The following WDR20 variants were observed in gnomAD, a reference collection of about 807,000 sequenced individuals.
WDR20 encodes the protein WD repeat domain 20, also known as WD repeat-containing protein 20.
WDR20 carries 3 observed loss-of-function variants against 38.7 expected under a neutral mutation model. That is an observed-to-expected ratio of 0.08 (90% CI 0.04 to 0.20). The LOEUF (loss-of-function observed/expected upper bound fraction) is 0.20. Among genes scored for constraint, WDR20 ranks in the 10% least tolerant of loss-of-function variants. The pLI, the probability that WDR20 is intolerant of heterozygous loss-of-function variation, is 1.00. For missense variants in WDR20, 559 were observed against 727.7 expected (o/e 0.77, Z 2.67); for synonymous variants, 298 against 285.6 (o/e 1.04, Z -0.44).
rs142876451 is a variant in WDR20, at chr14:102,221,389, CAG to C, written c.1693-1438_1693-1437del. On this transcript the variant is annotated intron_variant, in intron 3 of 3. Transcript: ENST00000335263. This position sits in a 1 kb window ranked among gnomAD's most constrained non-coding sequence, Gnocchi z 4.8. ...CTTAGGGTGCGCGTGGTGATGAAGG[CAG>C]AGTGTCCTGTGTGAGAGGCTTCCTT... 1.2e-3 allele frequency among the ~76,000 whole-genome samples: 185 copies of C among 152,342 alleles called. 2 individuals carry two copies. The East Asian group carries it at 0.028, about 23-fold the overall frequency.
intron 1 of WDR20, among the ~76,000 whole-genome samples, chr14:102,194,699 A>G (rs1051629742): frequency 6.6e-6 from 1 of 152,264 alleles, no homozygotes; most frequent in Non-Finnish European, 1.5e-5. Flanking sequence ...TTGAAGGAGA[A>G]TAAGTTGTGA....
At chr14:102,196,659 G>T (rs931184204) in intron 2 of WDR20, among the ~76,000 whole-genome samples, 3 of 152,130 alleles carry the variant, frequency 2.0e-5, no homozygotes, top group Admixed American at 1.3e-4. Flanking sequence ...GTGGCAGGGG[G>T]AGGGCAGGGA....
chr14:102,196,846 A>G (rs868625115), intron 2 of WDR20, among the ~76,000 whole-genome samples: 3 of 152,204 alleles, frequency 2.0e-5, no homozygotes, highest in Non-Finnish European at 2.9e-5. Context: ...AGAAATTGCT[A>G]TTTAGAATGC....
At chr14:102,146,151 T>TG (rs1347439227) in intron 1 of WDR20, among the ~76,000 whole-genome samples, 9 of 151,724 alleles carry the variant, frequency 5.9e-5, no homozygotes, top group African/African-American at 2.2e-4. Flanking sequence ...TGGAAGAGTT[T>TG]TTTTGTTTGT....
chr14:102,184,512 C>G (rs1012432010), intron 1 of WDR20, among the ~76,000 whole-genome samples: 2 of 152,072 alleles, frequency 1.3e-5, no homozygotes, highest in Non-Finnish European at 2.9e-5. Flanking sequence ...GAAGATGCTG[C>G]CACAGAATGT....
At chr14:102,161,121 C>CATGCATATATATATATATATATATAT in intron 1 of WDR20, among the ~76,000 whole-genome samples, 1 of 11,130 alleles carries the variant, frequency 9.0e-5, no homozygotes, top group Non-Finnish European at 1.8e-4. Context: ...AGCATAACTG[C>CATGCATATATATATATATATATATAT]ATATATATAT....
At chr14:102,148,936 C>T (rs551175424) in intron 1 of WDR20, among the ~76,000 whole-genome samples, 121 of 152,138 alleles carry the variant, frequency 8.0e-4, no homozygotes, top group Non-Finnish European at 1.4e-3. Context: ...CCGAGGCGGG[C>T]GGATCACGAG....
Position 102,220,829 on chromosome 14 carries a change from G to A in WDR20, c.1693-2001G>A, listed in dbSNP as rs2063804488. 6.6e-6 allele frequency among the ~76,000 whole-genome samples: 1 copy of A among 151,862 alleles called. No individual in the cohort carries two copies. The highest frequency in any genetic ancestry group is 6.6e-5 in the Admixed American group (1 of 15,258). On this transcript the variant is annotated intron_variant, in intron 3 of 3. Coordinates refer to the WDR20 transcript ENST00000335263. The surrounding 1 kb of genome is among the most constrained non-coding windows in gnomAD (Gnocchi z 4.2). ...GCTCTATCCCCCAGGCTGGAGTGCAGTGGATCGCGGCTCATTGCACCCTGC... is the reference window on the plus strand; with the variant it reads ...GCTCTATCCCCCAGGCTGGAGTGCAATGGATCGCGGCTCATTGCACCCTGC...
At chr14:102,175,407 GTGTATCTGTTTT>G (rs2061838186) in intron 1 of WDR20, among the ~76,000 whole-genome samples, 1 of 152,138 alleles carries the variant, frequency 6.6e-6, no homozygotes, top group Non-Finnish European at 1.5e-5. Flanking sequence ...CCGTTGGTCT[GTGTATCTGTTTT>G]TATACCAGTA....
intron 1 of WDR20, among the ~76,000 whole-genome samples, chr14:102,175,769 G>T (rs1307672): frequency 0.66 from 100,327 of 152,060 alleles, 36,435 homozygotes; most frequent in East Asian, 0.92. Flanking sequence ...TCATGTCAAT[G>T]GTTAGATATA....
At chr14:102,201,360 T>A (rs1307345688) in intron 2 of WDR20, among the ~76,000 whole-genome samples, 1 of 152,170 alleles carries the variant, frequency 6.6e-6, no homozygotes, top group Admixed American at 6.5e-5. Flanking sequence ...CTTATCATAT[T>A]GATAGTAATG....
In WDR20 at chr14:102,161,982, A is replaced by G. The variant is rs912477868; in HGVS notation, c.249+21810A>G. On this transcript the variant is annotated intron_variant, in intron 1 of 2. Transcript: ENST00000342702. ...CAAGGAAATACGCACTGGTTAACCCAGTCTTTACTAACCCATACCTTTAGC... is the reference window on the plus strand; with the variant it reads ...CAAGGAAATACGCACTGGTTAACCCGGTCTTTACTAACCCATACCTTTAGC... Among the ~76,000 whole-genome samples, 5 of 152,212 alleles carry G rather than the reference A, an allele frequency of 3.3e-5. 1 individual carries two copies. The highest frequency in any genetic ancestry group is 1.2e-4 in the African/African-American group (5 of 41,432).
chr14:102,211,540 T>G (rs954820722), downstream of WDR20, among the ~76,000 whole-genome samples: 1 of 152,194 alleles, frequency 6.6e-6, no homozygotes, highest in South Asian at 2.1e-4. This position sits in a 1 kb window ranked among gnomAD's most constrained non-coding sequence, Gnocchi z 4.2. Flanking sequence ...CACAGCAGCC[T>G]TCAGGTGCAT....
rs190535302 is a variant in WDR20 at position 102,221,966 on chromosome 14, T to C, written c.1693-864T>C. 6.6e-6 allele frequency among the ~76,000 whole-genome samples: 1 copy of C among 152,326 alleles called. No individual in the cohort carries two copies. The highest frequency in any genetic ancestry group is 6.5e-5 in the Admixed American group (1 of 15,300). On this transcript the variant is annotated intron_variant, in intron 3 of 3. Coordinates refer to the WDR20 transcript ENST00000335263. This position sits in a 1 kb window ranked among gnomAD's most constrained non-coding sequence, Gnocchi z 4.8. Reference sequence around the variant, plus strand: ...AAATGAACGCCACACTTTGATGTAATGTAATTGCTGCTCAATAGTAAATGC... The same window carrying C: ...AAATGAACGCCACACTTTGATGTAACGTAATTGCTGCTCAATAGTAAATGC...
chr14:102,199,097 A>G (rs2059885303), intron 2 of WDR20, among the ~76,000 whole-genome samples: 1 of 152,134 alleles, frequency 6.6e-6, no homozygotes, highest in African/African-American at 2.4e-5. Context: ...CATCTCAGCT[A>G]CTGCTTTCAA....
intron 1 of WDR20, among the ~76,000 whole-genome samples, chr14:102,183,070 G>GAA (rs1361651241): frequency 4.0e-5 from 6 of 149,964 alleles, no homozygotes; most frequent in African/African-American, 1.2e-4. Context: ...CAGAGAGAGA[G>GAA]AAAAAAAAAG....
chr14:102,185,038 T>G (rs1427031029), intron 1 of WDR20, among the ~76,000 whole-genome samples: 1 of 152,190 alleles, frequency 6.6e-6, no homozygotes, highest in Non-Finnish European at 1.5e-5. Flanking sequence ...GCTACTGTTT[T>G]GTTTTGGAAG....
chr14:102,192,642 C>T (rs1271812021), intron 1 of WDR20, among the ~76,000 whole-genome samples: 3 of 152,126 alleles, frequency 2.0e-5, no homozygotes, highest in African/African-American at 7.2e-5. Context: ...AAACTGGTGG[C>T]AGTACTTGGA....
chr14:102,205,671 G>C (rs1189919536), intron 2 of WDR20, among the ~76,000 whole-genome samples: 3 of 152,076 alleles, frequency 2.0e-5, no homozygotes, highest in African/African-American at 7.2e-5. Flanking sequence ...CACTCACCCT[G>C]ATATTGCTGA....
Sources: gnomAD v4.1 joint callset for allele counts (sites outside exome capture counted in the v4.1 genomes callset) on GRCh38, gnomAD v4.1.1 for gene constraint, Gnocchi (gnomAD v3.1) non-coding constraint, MANE v1.5 for transcripts, NCBI Gene and HGNC (gene_info 2026-07-23, HGNC 2026-07-21) for gene names.